ARHGEF9: variants seen among roughly 807,000 people sequenced by gnomAD.
ARHGEF9 encodes Cdc42 guanine nucleotide exchange factor 9, also known as rho guanine nucleotide exchange factor 9.
Under a neutral mutation model 41.3 loss-of-function variants are expected in ARHGEF9, and 2 were observed. The observed-to-expected ratio is 0.05, with a 90% CI of 0.02 to 0.15. The LOEUF (loss-of-function observed/expected upper bound fraction) is 0.15. Ranked by LOEUF, ARHGEF9 falls within the 10% of genes least tolerant of loss-of-function variation. The pLI is 1.00. For missense variants in ARHGEF9, 225 were observed against 424.7 expected (o/e 0.53, Z 4.13); for synonymous variants, 160 against 154.4 (o/e 1.04, Z -0.27).
chrX:63,759,527 A>G lies in ARHGEF9; in HGVS notation c.30+25589T>C, dbSNP rs782814747. On this transcript the variant is annotated intron_variant, in intron 1 of 9. Transcript: ENST00000671741. ...ATCTCAGATGGTAGAAAGTTCTTCC[A>G]TCTCTTTGAGCCAGATGTTGTCACT... Among the ~76,000 whole-genome samples, 4 of 111,635 alleles carry G rather than the reference A, an allele frequency of 3.6e-5. No individual in the cohort carries two copies. The East Asian group carries it at 8.5e-4, about 24-fold the overall frequency.
At chrX:63,747,605 T>C (rs1602681436) in intron 1 of ARHGEF9, among the ~76,000 whole-genome samples, 1 of 112,013 alleles carries the variant, frequency 8.9e-6, no homozygotes, top group Non-Finnish European at 1.9e-5. Flanking sequence ...TAGAAAAATA[T>C]TGATGCCAGG....
chrX:63,758,780 C>A (rs369631478), intron 1 of ARHGEF9, among the ~76,000 whole-genome samples: 1 of 112,446 alleles, frequency 8.9e-6, no homozygotes. Flanking sequence ...TAGGATCCTA[C>A]GTTTAGCCCT....
chrX:63,663,460 G>C (rs1396921168), intron 7 of ARHGEF9, among the ~76,000 whole-genome samples: 1 of 110,376 alleles, frequency 9.1e-6, no homozygotes, highest in African/African-American at 3.3e-5. Flanking sequence ...GCTTAATGTG[G>C]CCATATTTCA....
At chrX:63,756,005 C>G (rs1395216376) in intron 1 of ARHGEF9, 38 of 243,993 alleles carry the variant, frequency 1.6e-4, no homozygotes, top group Non-Finnish European at 1.9e-4. Context: ...TGCTCTGTGA[C>G]CTGGTATCTA....
chrX:63,675,321 A>G lies in ARHGEF9; in HGVS notation c.816-1154T>C, dbSNP rs181713735. ...CACCTTATCATCTCTTCCATCATCT[A>G]TTTCTATGGAGCTTCTGCCCAAAAT... On this transcript the variant is annotated intron_variant, in intron 5 of 9. Transcript: ENST00000671741. Among the ~76,000 whole-genome samples the G allele has an allele frequency of 6.3e-5, 7 of 111,749 alleles. No homozygotes were observed. In the Admixed American group the frequency reaches 6.6e-4, roughly 11 times the overall value.
chrX:63,767,274 C>T (rs184227261), intron 1 of ARHGEF9: 32 of 575,492 alleles, frequency 5.6e-5, no homozygotes, highest in East Asian at 1.5e-4. Flanking sequence ...GAGAGGATGA[C>T]GATGATGAAG....
chrX:63,738,452 T>C (rs2054747981), intron 1 of ARHGEF9, among the ~76,000 whole-genome samples: 1 of 111,723 alleles, frequency 9.0e-6, no homozygotes, highest in Non-Finnish European at 1.9e-5. Flanking sequence ...ATTAGGAAAC[T>C]GCATGGCTAC....
chrX:63,676,416 G>C (rs1407438035), intron 5 of ARHGEF9, among the ~76,000 whole-genome samples: 2 of 112,235 alleles, frequency 1.8e-5, no homozygotes, highest in African/African-American at 6.5e-5. Flanking sequence ...TCTAGAAGCT[G>C]TATCTCTCTC....
chrX:63,704,281 T>C, intron 3 of ARHGEF9, among the ~76,000 whole-genome samples: 1 of 112,726 alleles, frequency 8.9e-6, no homozygotes, highest in East Asian at 2.8e-4. Flanking sequence ...ATATGTATTA[T>C]ACATCAAATA....
At chrX:63,686,126 T>A (rs1173272729) in intron 4 of ARHGEF9, among the ~76,000 whole-genome samples, 3 of 111,760 alleles carry the variant, frequency 2.7e-5, no homozygotes, top group African/African-American at 9.8e-5. Flanking sequence ...TAAGTGTCCA[T>A]CAACAAATGA....
At chrX:63,748,344 C>T (rs782698392) in intron 1 of ARHGEF9, among the ~76,000 whole-genome samples, 1 of 111,666 alleles carries the variant, frequency 9.0e-6, no homozygotes, top group African/African-American at 3.3e-5. Context: ...TGTTGTGTGA[C>T]ATGAAGAAAA....
At chrX:63,719,113 C>T (rs1417534149) in intron 2 of ARHGEF9, among the ~76,000 whole-genome samples, 1 of 111,968 alleles carries the variant, frequency 8.9e-6, no homozygotes, top group Non-Finnish European at 1.9e-5. Context: ...ATTTGAAATT[C>T]TAGTACAGGG....
chrX:63,757,472 C>T (rs190006924), intron 1 of ARHGEF9, among the ~76,000 whole-genome samples: 3 of 111,771 alleles, frequency 2.7e-5, no homozygotes, highest in Non-Finnish European at 5.6e-5. Flanking sequence ...TTTCCTTCTT[C>T]CCCTGAGTCC....
At chrX:63,706,153 G>T in intron 3 of ARHGEF9, 105 bp downstream of exon 3, 1 of 881,363 alleles carries the variant, frequency 1.1e-6, no homozygotes. Context: ...AACAGAATCT[G>T]GGAGGCTATG....
intron 4 of ARHGEF9, among the ~76,000 whole-genome samples, chrX:63,695,102 C>G (rs1426485310): frequency 9.0e-6 from 1 of 110,849 alleles, no homozygotes; most frequent in Non-Finnish European, 1.9e-5. Flanking sequence ...CTTTTTTTTC[C>G]CCAGGGGACA....
chrX:63,709,708 A>T (rs1556405443), intron 2 of ARHGEF9, among the ~76,000 whole-genome samples: 1 of 111,286 alleles, frequency 9.0e-6, no homozygotes, highest in Admixed American at 9.5e-5. Flanking sequence ...CTGTATTTCC[A>T]CTCTTACTTC....
chrX:63,776,402 G>A (rs139541675), intron 1 of ARHGEF9, among the ~76,000 whole-genome samples: 2 of 112,053 alleles, frequency 1.8e-5, no homozygotes. Flanking sequence ...AAATGAGTGG[G>A]CATGGCTGTG....
intron 1 of ARHGEF9, among the ~76,000 whole-genome samples, chrX:63,726,041 A>C (rs1460751303): frequency 8.9e-6 from 1 of 112,513 alleles, no homozygotes. Context: ...ACACATATAT[A>C]TGAACACACA....
chrX:63,717,113 T>C (rs2053354078), intron 2 of ARHGEF9, among the ~76,000 whole-genome samples: 1 of 112,104 alleles, frequency 8.9e-6, no homozygotes, highest in South Asian at 3.7e-4. Context: ...ATGGGCAGAA[T>C]GTTCAGGTCT....
Sources: allele counts gnomAD v4.1 joint callset (sites outside exome capture counted in the v4.1 genomes callset), GRCh38; gene constraint gnomAD v4.1.1; transcripts MANE v1.5; gene names NCBI Gene and HGNC (gene_info 2026-07-23, HGNC 2026-07-21).